PADI4: variants seen among roughly 807,000 people sequenced by gnomAD.
The protein encoded by PADI4 is peptidyl arginine deiminase 4.
In PADI4, 62 loss-of-function variants were observed where a neutral mutation model predicts 75.0. The ratio of observed to expected loss-of-function variants is 0.83; its 90% confidence interval spans 0.67 to 1.02. The LOEUF (loss-of-function observed/expected upper bound fraction) is 1.02, where lower values mean the gene tolerates loss of function less well. Among genes scored for constraint, PADI4 ranks in the 50% least tolerant of loss-of-function variants. The probability of loss-of-function intolerance (pLI) is 0.00; values close to 1 mark genes in which losing one functional copy is unlikely to be tolerated. For synonymous variants in PADI4, 361 were observed against 348.1 expected, an observed-to-expected ratio of 1.04 and a Z score of -0.41; for missense variants, 845 against 850.5, an observed-to-expected ratio of 0.99 and a Z score of 0.08.
chr1:17,309,969 G>C (rs943616983), intron 1 of PADI4, among the ~76,000 whole-genome samples: 26 of 152,152 alleles, frequency 1.7e-4, no homozygotes, highest in African/African-American at 6.3e-4. Context: ...TCTGGCCCTA[G>C]AGAGGTGGGT....
chr1:17,310,653 G>A (rs1054679421), intron 1 of PADI4, among the ~76,000 whole-genome samples: 3 of 151,946 alleles, frequency 2.0e-5, no homozygotes, highest in Non-Finnish European at 2.9e-5. Flanking sequence ...ACACCTAACC[G>A]AGGGTCACAT....
intron 2 of PADI4, among the ~76,000 whole-genome samples, chr1:17,333,734 C>G (rs1172689870): frequency 6.6e-6 from 1 of 151,996 alleles, no homozygotes; most frequent in Non-Finnish European, 1.5e-5. Flanking sequence ...TGCTGGGCCC[C>G]CATAGGATGC....
chr1:17,352,109 GAGACTGTGGTCA>G (rs2074662605), intron 10 of PADI4, among the ~76,000 whole-genome samples: 1 of 148,588 alleles, frequency 6.7e-6, no homozygotes, highest in African/African-American at 2.5e-5. Context: ...GGTGGTAGGA[GAGACTGTGGTCA>G]GAGAGGTGAT....
chr1:17,322,071 A>C (rs1385733979), intron 1 of PADI4, among the ~76,000 whole-genome samples: 1 of 152,254 alleles, frequency 6.6e-6, no homozygotes, highest in Admixed American at 6.5e-5. Flanking sequence ...GATTACATAA[A>C]TATAGCGGAG....
Position 17,346,075 on chromosome 1 carries a change from T to C in PADI4, c.983T>C (p.Met328Thr). The C allele has an allele frequency of 1.2e-6, 2 of 1,613,984 alleles. No homozygotes were observed. Among genetic ancestry groups the C allele is most frequent in the Non-Finnish European group, 1.7e-6 (2 of 1,179,854 alleles). ...DFLKSVTTLA[M>T]KAKCKLTICP... is the part of the protein sequence containing the mutation. ...CTGAAGTCAGTGACTACTCTGGCCATGAAAGCCAAGTGCAAGCTGACCATC... is the reference window on the plus strand; with the variant it reads ...CTGAAGTCAGTGACTACTCTGGCCACGAAAGCCAAGTGCAAGCTGACCATC... Residue 328 changes from methionine (M) to threonine (T), a missense_variant, in exon 9 of 16, where the codon ATG (methionine) becomes ACG (threonine). Coordinates refer to ENST00000375448, the MANE Select transcript of PADI4 (RefSeq NM_012387.3). This position sits in a 1 kb window ranked among gnomAD's most constrained non-coding sequence, Gnocchi z 4.3.
intron 1 of PADI4, among the ~76,000 whole-genome samples, chr1:17,308,899 T>A (rs1307796319): frequency 6.6e-6 from 1 of 151,958 alleles, no homozygotes; most frequent in Non-Finnish European, 1.5e-5. Flanking sequence ...CATGGGCTGG[T>A]TATAGGAATT....
intron 7 of PADI4, 39 bp from the exon 8 acceptor site, chr1:17,342,260 G>A (rs760531144): frequency 6.9e-6 from 10 of 1,439,136 alleles, no homozygotes; most frequent in African/African-American, 2.8e-5. Context: ...CCCTGGCAGC[G>A]GTGACAGCCC....
chr1:17,348,532 G>A (rs2074560667), intron 10 of PADI4, among the ~76,000 whole-genome samples: 1 of 152,166 alleles, frequency 6.6e-6, no homozygotes, highest in Non-Finnish European at 1.5e-5. Context: ...TGTGGAGGTG[G>A]GAAGTGACGT....
intron 1 of PADI4, among the ~76,000 whole-genome samples, chr1:17,328,024 G>T (rs964250673): frequency 3.3e-5 from 5 of 151,450 alleles, no homozygotes; most frequent in African/African-American, 1.2e-4. Context: ...TATTTATTTT[G>T]TTTCTTAAAG....
chr1:17,351,201 GA>G (rs61284318), intron 10 of PADI4, among the ~76,000 whole-genome samples: 29,596 of 76,510 alleles, frequency 0.39, 5,827 homozygotes, highest in Middle Eastern at 0.5. Flanking sequence ...TGTCCCAGAG[GA>G]AAAAAAAAAA....
chr1:17,311,468 G>A (rs1395834166), intron 1 of PADI4, among the ~76,000 whole-genome samples: 1 of 152,030 alleles, frequency 6.6e-6, no homozygotes, highest in African/African-American at 2.4e-5. Flanking sequence ...AAAGGGCAGT[G>A]TGCATTCAGA....
intron 1 of PADI4, among the ~76,000 whole-genome samples, chr1:17,323,338 G>A (rs1415180807): frequency 8.2e-6 from 1 of 121,968 alleles, no homozygotes. Flanking sequence ...TACTTCCTTG[G>A]TTAGAAGGAA....
chr1:17,314,201 C>T (rs1224727289), intron 1 of PADI4, among the ~76,000 whole-genome samples: 1 of 152,198 alleles, frequency 6.6e-6, no homozygotes, highest in Non-Finnish European at 1.5e-5. Flanking sequence ...TCTTTTGAGC[C>T]CCTTATTCAT....
At chr1:17,342,188 G>T in intron 7 of PADI4, 67 bp downstream of exon 7, 1 of 1,530,980 alleles carries the variant, frequency 6.5e-7, no homozygotes, top group East Asian at 2.2e-5. Context: ...CTAGGGAAAG[G>T]GGTACAGAGC....
At chr1:17,327,607 T>C (rs1434791270) in intron 1 of PADI4, among the ~76,000 whole-genome samples, 1 of 151,960 alleles carries the variant, frequency 6.6e-6, no homozygotes, top group East Asian at 1.9e-4. Flanking sequence ...AGTGGCGTGA[T>C]CTCAGGTTAC....
intron 2 of PADI4, among the ~76,000 whole-genome samples, chr1:17,333,265 T>C (rs979529031): frequency 6.6e-6 from 1 of 152,026 alleles, no homozygotes; most frequent in African/African-American, 2.4e-5. Context: ...TTCCACTGTC[T>C]ACAGGGCAGG....
At chr1:17,320,153 C>T (rs2074009577) in intron 1 of PADI4, among the ~76,000 whole-genome samples, 1 of 152,226 alleles carries the variant, frequency 6.6e-6, no homozygotes, top group African/African-American at 2.4e-5. Context: ...TTCCTTGCAG[C>T]TTCTAGAGGT....
At chr1:17,342,644 C>T (rs1017685887) in intron 8 of PADI4, among the ~76,000 whole-genome samples, 3 of 152,152 alleles carry the variant, frequency 2.0e-5, no homozygotes, top group Non-Finnish European at 4.4e-5. Flanking sequence ...GTCCCATGGA[C>T]CTTGTGCACC....
At chr1:17,363,220 G>A (rs900669205) in intron 15 of PADI4, among the ~76,000 whole-genome samples, 1 of 152,220 alleles carries the variant, frequency 6.6e-6, no homozygotes, top group African/African-American at 2.4e-5. Flanking sequence ...CTGGGCTCAA[G>A]TGATCCTCCT....
Sources: gnomAD v4.1 joint callset for allele counts (sites outside exome capture counted in the v4.1 genomes callset) on GRCh38, gnomAD v4.1.1 for gene constraint, Gnocchi (gnomAD v3.1) non-coding constraint, MANE v1.5 for transcripts, NCBI Gene and HGNC (gene_info 2026-07-23, HGNC 2026-07-21) for gene names.